KIF6: variants seen among roughly 807,000 people sequenced by gnomAD.
KIF6 encodes the protein kinesin family member 6.
A neutral mutation model predicts 112.7 loss-of-function variants in KIF6; 106 were observed. The ratio of observed to expected loss-of-function variants is 0.94; its 90% CI spans 0.80 to 1.11. The LOEUF is 1.11. KIF6 is among the 50% of genes least tolerant of loss of function. KIF6 has a pLI of 0.00. For missense variants in KIF6, 929 were observed against 964.0 expected (o/e 0.96, Z 0.48); for synonymous variants, 339 against 339.9 (o/e 1.00, Z 0.03).
intron 13 of KIF6, among the ~76,000 whole-genome samples, chr6:39,447,678 C>T (rs1237646739): frequency 6.6e-6 from 1 of 152,098 alleles, no homozygotes; most frequent in Non-Finnish European, 1.5e-5. Flanking sequence ...TAACAATATC[C>T]TTCCTTTACC....
At chr6:39,573,712 A>C (rs1780768601) in intron 10 of KIF6, among the ~76,000 whole-genome samples, 1 of 152,228 alleles carries the variant, frequency 6.6e-6, no homozygotes, top group African/African-American at 2.4e-5. Flanking sequence ...CACGTGAACT[A>C]GTTTTACATG....
intron 1 of KIF6, among the ~76,000 whole-genome samples, chr6:39,722,735 T>TAA (rs754509790): frequency 3.9e-5 from 6 of 152,204 alleles, no homozygotes; most frequent in Non-Finnish European, 5.9e-5. Context: ...GATATGGCAT[T>TAA]AAACTGTGGA....
intron 13 of KIF6, among the ~76,000 whole-genome samples, chr6:39,451,841 G>A (rs1772717711): frequency 6.6e-6 from 1 of 152,172 alleles, no homozygotes; most frequent in African/African-American, 2.4e-5. Context: ...GCACATATTA[G>A]GTAGTCATAA....
At chr6:39,383,870 T>G (rs1163402911) in intron 16 of KIF6, among the ~76,000 whole-genome samples, 1 of 152,254 alleles carries the variant, frequency 6.6e-6, no homozygotes, top group African/African-American at 2.4e-5. Flanking sequence ...ATCTTTCACC[T>G]TCATCATTAG....
intron 13 of KIF6, among the ~76,000 whole-genome samples, chr6:39,507,546 C>T (rs6942056): frequency 0.22 from 33,254 of 151,500 alleles, 4,362 homozygotes; most frequent in African/African-American, 0.35. Flanking sequence ...GGGCGGTATA[C>T]GTTTTTTCCC....
intron 4 of KIF6, among the ~76,000 whole-genome samples, chr6:39,636,261 A>AG (rs1784619420): frequency 6.6e-6 from 1 of 152,098 alleles, no homozygotes; most frequent in South Asian, 2.1e-4. Context: ...TCATTTCAGA[A>AG]AAACAAAATG....
chr6:39,708,747 T>G (rs1789359496), intron 3 of KIF6, among the ~76,000 whole-genome samples: 1 of 152,198 alleles, frequency 6.6e-6, no homozygotes, highest in African/African-American at 2.4e-5. Context: ...ATGTCTAGAC[T>G]TCATAGTTTT....
At chr6:39,473,313 T>A (rs1304623332) in intron 13 of KIF6, among the ~76,000 whole-genome samples, 3 of 151,680 alleles carry the variant, frequency 2.0e-5, no homozygotes, top group African/African-American at 7.3e-5. Flanking sequence ...AAAAAAAAAA[T>A]AAGGTTTTGC....
chr6:39,337,168 C>CTTCTTTCTTTCT (rs1554195056), intron 22 of KIF6, among the ~76,000 whole-genome samples: 1 of 48,510 alleles, frequency 2.1e-5, no homozygotes, highest in African/African-American at 1.2e-4. Context: ...TCTTTCTTTC[C>CTTCTTTCTTTCT]TTCCTTCTTT....
At chr6:39,480,230 A>G (rs2150455701) in intron 13 of KIF6, among the ~76,000 whole-genome samples, 1 of 152,216 alleles carries the variant, frequency 6.6e-6, no homozygotes, top group East Asian at 1.9e-4. Context: ...TGTCCCTTGT[A>G]TGCTGATTTT....
intron 13 of KIF6, among the ~76,000 whole-genome samples, chr6:39,520,632 A>G (rs1777340241): frequency 6.6e-6 from 1 of 152,236 alleles, no homozygotes; most frequent in Non-Finnish European, 1.5e-5. Flanking sequence ...ATGCAGTTAG[A>G]GCGGATGTGG....
intron 10 of KIF6, among the ~76,000 whole-genome samples, chr6:39,555,820 G>A (rs989980406): frequency 9.9e-5 from 15 of 151,824 alleles, no homozygotes; most frequent in Non-Finnish European, 7.4e-5. Context: ...AGGTGGTAGC[G>A]GTGCATGCCT....
intron 10 of KIF6, among the ~76,000 whole-genome samples, chr6:39,558,400 C>A (rs1191655284): frequency 1.3e-5 from 2 of 152,224 alleles, no homozygotes; most frequent in East Asian, 1.9e-4. Flanking sequence ...TGTGGGTTTT[C>A]TTTAAGTGGT....
chr6:39,534,038 C>T (rs1351543608), intron 13 of KIF6, among the ~76,000 whole-genome samples: 8 of 152,174 alleles, frequency 5.3e-5, no homozygotes, highest in Admixed American at 2.0e-4. Flanking sequence ...ACAGAAAGGA[C>T]ATCCACACCA....
At chr6:39,709,308 G>A (rs996550582) in intron 3 of KIF6, among the ~76,000 whole-genome samples, 27 of 152,204 alleles carry the variant, frequency 1.8e-4, no homozygotes, top group African/African-American at 6.5e-4. Flanking sequence ...TCGGAGGGAT[G>A]GTTTTGGGAT....
intron 7 of KIF6, among the ~76,000 whole-genome samples, chr6:39,587,739 C>A (rs1781713758): frequency 1.3e-5 from 2 of 152,176 alleles, no homozygotes. Context: ...TTCTTATTGT[C>A]CTGCTCCTGT....
intron 16 of KIF6, among the ~76,000 whole-genome samples, chr6:39,374,307 A>C (rs9380850): frequency 1.3e-5 from 2 of 152,208 alleles, no homozygotes; most frequent in African/African-American, 4.8e-5. Flanking sequence ...GTTCAACAAC[A>C]TTAATCTAGG....
chr6:39,517,183 A>C (rs1187297440), intron 13 of KIF6, among the ~76,000 whole-genome samples: 1 of 152,150 alleles, frequency 6.6e-6, no homozygotes, highest in Non-Finnish European at 1.5e-5. Context: ...GCCCAGCTTA[A>C]CCTTTTTAAG....
chr6:39,352,742 T>C (rs1349160609), intron 19 of KIF6, among the ~76,000 whole-genome samples: 2 of 152,120 alleles, frequency 1.3e-5, no homozygotes. Flanking sequence ...TAGCTGGGAT[T>C]ACACGTGCAT....
Sources: gnomAD v4.1 joint callset for allele counts (sites outside exome capture counted in the v4.1 genomes callset) on GRCh38, gnomAD v4.1.1 for gene constraint, MANE v1.5 for transcripts, NCBI Gene and HGNC (gene_info 2026-07-23, HGNC 2026-07-21) for gene names.